NTRK2: variants seen among roughly 807,000 people sequenced by gnomAD.
NTRK2 encodes the protein BDNF/NT-3 growth factors receptor.
A neutral mutation model predicts 94.5 loss-of-function variants in NTRK2; 13 were observed. That is an observed-to-expected ratio of 0.14 (90% confidence interval 0.09 to 0.22). The LOEUF is 0.22. Among genes scored for constraint, NTRK2 ranks in the 10% least tolerant of loss-of-function variants. The pLI is 1.00. For synonymous variants in NTRK2, 372 were observed against 407.4 expected, an observed-to-expected ratio of 0.91 and a Z score of 1.05; for missense variants, 639 against 1,071.2, an observed-to-expected ratio of 0.60 and a Z score of 5.63.
intron 9 of NTRK2, among the ~76,000 whole-genome samples, chr9:84,738,985 T>A (rs751822264): frequency 6.6e-6 from 1 of 152,178 alleles, no homozygotes; most frequent in Non-Finnish European, 1.5e-5. Flanking sequence ...AGGAAAGGCA[T>A]GCGCTGATAT....
intron 11 of NTRK2, among the ~76,000 whole-genome samples, chr9:84,749,302 G>C (rs1049461818): frequency 1.3e-5 from 2 of 152,106 alleles, no homozygotes; most frequent in Admixed American, 6.5e-5. Flanking sequence ...TAAAGTACCA[G>C]AGAAGAGAAT....
intron 15 of NTRK2, among the ~76,000 whole-genome samples, chr9:84,939,171 A>T (rs542687873): frequency 9.9e-5 from 15 of 152,256 alleles, no homozygotes; most frequent in African/African-American, 3.4e-4. Flanking sequence ...GCTGAAAGAA[A>T]CTGTAAAGAT....
intron 17 of NTRK2, among the ~76,000 whole-genome samples, chr9:84,979,749 A>T (rs1011184991): frequency 6.6e-6 from 1 of 152,222 alleles, no homozygotes; most frequent in Non-Finnish European, 1.5e-5. Context: ...TCACTGTTGT[A>T]TTATTTTAAG....
At chr9:84,780,155 C>A (rs2133017477) in intron 12 of NTRK2, among the ~76,000 whole-genome samples, 1 of 151,924 alleles carries the variant, frequency 6.6e-6, no homozygotes, top group Non-Finnish European at 1.5e-5. Flanking sequence ...AGAAAAAAAA[C>A]CTGAGCTATC....
chr9:84,895,891 A>C (rs554888000), intron 14 of NTRK2, among the ~76,000 whole-genome samples: 4 of 152,358 alleles, frequency 2.6e-5, no homozygotes, highest in African/African-American at 9.6e-5. Flanking sequence ...TCATTTGATA[A>C]AATTTTTAAA....
intron 6 of NTRK2, among the ~76,000 whole-genome samples, chr9:84,713,080 T>C (rs2061510919): frequency 6.6e-6 from 1 of 152,212 alleles, no homozygotes; most frequent in Non-Finnish European, 1.5e-5. Flanking sequence ...TATACCTTGA[T>C]ATTAGCAAAC....
chr9:84,837,835 A>G (rs1263738355), intron 12 of NTRK2, among the ~76,000 whole-genome samples: 1 of 152,226 alleles, frequency 6.6e-6, no homozygotes, highest in African/African-American at 2.4e-5. Context: ...ATGCCATGTC[A>G]TATACCAACA....
chr9:84,958,090 C>T (rs1257092085), intron 17 of NTRK2, among the ~76,000 whole-genome samples: 1 of 151,674 alleles, frequency 6.6e-6, no homozygotes, highest in African/African-American at 2.4e-5. Flanking sequence ...GAGATGGGGG[C>T]AGGGAAGAAT....
At chr9:84,831,464 A>G (rs2073540535) in intron 12 of NTRK2, among the ~76,000 whole-genome samples, 1 of 152,154 alleles carries the variant, frequency 6.6e-6, no homozygotes, top group African/African-American at 2.4e-5. Flanking sequence ...AAAAAATTCT[A>G]GTTTTCTATG....
At chr9:84,876,465 T>G in intron 14 of NTRK2, 1 of 1,054,840 alleles carries the variant, frequency 9.5e-7, no homozygotes, top group Non-Finnish European at 1.1e-6. Context: ...TTGCAAGTCA[T>G]TTGGTCTTCA....
intron 17 of NTRK2, among the ~76,000 whole-genome samples, chr9:84,990,328 G>T (rs1228623659): frequency 6.6e-6 from 1 of 152,152 alleles, no homozygotes; most frequent in Non-Finnish European, 1.5e-5. Context: ...AATGACATCA[G>T]AGGAAAAAAG....
At chr9:84,678,846 T>C (rs555175579) in intron 2 of NTRK2, among the ~76,000 whole-genome samples, 1 of 152,248 alleles carries the variant, frequency 6.6e-6, no homozygotes, top group Non-Finnish European at 1.5e-5. Flanking sequence ...AAGAATGTTA[T>C]AGATGATATT....
chr9:84,745,846 CAG>C (rs1206239794), intron 11 of NTRK2, among the ~76,000 whole-genome samples: 5 of 152,112 alleles, frequency 3.3e-5, no homozygotes, highest in African/African-American at 1.2e-4. Flanking sequence ...GGTCTTGACA[CAG>C]AGTCTCAGGT....
rs926998823 is a variant in NTRK2 at position 84,730,536 on chromosome 9, C to T, written c.1159+2577C>T. 1.5e-5 allele frequency among the ~76,000 whole-genome samples: 2 copies of T among 132,024 alleles called. 1 individual carries two copies. The highest frequency in any genetic ancestry group is 3.1e-5 in the Non-Finnish European group (2 of 64,428). 86.6% of individuals were successfully genotyped at this position (132,024 alleles called of 152,430 possible). On this transcript the variant is annotated intron_variant, in intron 9 of 18. Transcript: ENST00000277120. ...CGGGCGGATCACGAGGTCAGGAGAT[C>T]GAGACCATCCTGGCTAACACGGTGA...
chr9:84,994,453 T>G (rs1588139776), intron 17 of NTRK2, among the ~76,000 whole-genome samples: 1 of 152,338 alleles, frequency 6.6e-6, no homozygotes, highest in South Asian at 2.1e-4. Context: ...GGAGCACAGG[T>G]AACAGTAGTG....
At chr9:84,772,341 G>A (rs1010915072) in intron 12 of NTRK2, among the ~76,000 whole-genome samples, 1 of 151,964 alleles carries the variant, frequency 6.6e-6, no homozygotes, top group African/African-American at 2.4e-5. Context: ...TGAAACCTCC[G>A]CCTCCTGGGT....
intron 14 of NTRK2, among the ~76,000 whole-genome samples, chr9:84,894,423 C>G (rs967368306): frequency 7.2e-5 from 11 of 152,190 alleles, no homozygotes; most frequent in African/African-American, 2.7e-4. Flanking sequence ...CCTTTGACTT[C>G]TTGCAGTCCA....
At chr9:84,885,961 G>T (rs187665449) in intron 14 of NTRK2, among the ~76,000 whole-genome samples, 17 of 152,192 alleles carry the variant, frequency 1.1e-4, no homozygotes, top group Middle Eastern at 3.4e-3. Flanking sequence ...AACCTGGGAG[G>T]CAGAGGTTGC....
chr9:84,998,193 G>A (rs967509035), intron 17 of NTRK2, among the ~76,000 whole-genome samples: 2 of 152,208 alleles, frequency 1.3e-5, no homozygotes, highest in African/African-American at 4.8e-5. Context: ...TGAGAACCCA[G>A]TGTTTTCCAG....
Sources: allele counts gnomAD v4.1 joint callset (sites outside exome capture counted in the v4.1 genomes callset), GRCh38; gene constraint gnomAD v4.1.1; transcripts MANE v1.5; gene names NCBI Gene and HGNC (gene_info 2026-07-23, HGNC 2026-07-21).